Variants in MTBP observed in about 807,000 individuals in gnomAD.
MTBP encodes mdm2-binding protein.
MTBP carries 101 observed loss-of-function variants against 117.0 expected under a neutral mutation model. The observed-to-expected ratio is 0.86, with a 90% CI of 0.73 to 1.02. MTBP has a LOEUF of 1.02. Ranked by LOEUF, MTBP falls within the 50% of genes least tolerant of loss-of-function variation. MTBP has a pLI of 0.00. For synonymous variants in MTBP, 350 were observed against 351.5 expected, an observed-to-expected ratio of 1.00 and a Z score of 0.05; for missense variants, 970 against 1,030.9, an observed-to-expected ratio of 0.94 and a Z score of 0.81.
At chr8:120,474,376 C>G (rs542441609) in intron 11 of MTBP, among the ~76,000 whole-genome samples, 1 of 151,920 alleles carries the variant, frequency 6.6e-6, no homozygotes, top group South Asian at 2.1e-4. Context: ...ATTGATGGAA[C>G]TTTTTTTTGT....
At chr8:120,461,728 A>G (rs80073391) in intron 9 of MTBP, among the ~76,000 whole-genome samples, 2,364 of 152,108 alleles carry the variant, frequency 0.016, 58 homozygotes, top group African/African-American at 0.055. Context: ...TAACTTTACT[A>G]TTATTTTTTA....
chr8:120,453,877 T>C lies in MTBP; in HGVS notation c.456T>C (p.His152=). The part of the protein sequence containing the change: ...DLYEEAAENL[H]QLSDKLPAPG... ...ATGAAGAAGCTGCAGAAAATTTGCATCAGCTGTCAGACAAGCTTCCTGCTC... is the reference window on the plus strand; with the variant it reads ...ATGAAGAAGCTGCAGAAAATTTGCACCAGCTGTCAGACAAGCTTCCTGCTC... The change falls in exon 5 of 22, where the codon CAT becomes CAC. Residue 152 remains histidine, a synonymous_variant. Transcript: ENST00000305949. 6.3e-7 allele frequency: 1 copy of C among 1,585,142 alleles called. No homozygotes were observed. Among genetic ancestry groups the C allele is most frequent in the Non-Finnish European group, 8.6e-7 (1 of 1,163,250 alleles).
intron 10 of MTBP, among the ~76,000 whole-genome samples, chr8:120,467,353 G>A (rs4486250): frequency 0.55 from 84,219 of 152,030 alleles, 25,545 homozygotes; most frequent in Non-Finnish European, 0.67. Context: ...AGTGACTCAC[G>A]CCTGTAATCC....
At chr8:120,509,877 A>G (rs1814764466) in intron 16 of MTBP, 57 bp from the exon 17 acceptor site, 1 of 1,221,440 alleles carries the variant, frequency 8.2e-7, no homozygotes, top group African/African-American at 1.5e-5. Flanking sequence ...ACTTTCTTTA[A>G]CTTTCTTTTT....
chr8:120,475,165 C>G (rs565812592), intron 11 of MTBP, among the ~76,000 whole-genome samples: 14 of 151,964 alleles, frequency 9.2e-5, no homozygotes, highest in African/African-American at 2.9e-4. Flanking sequence ...CAGGTCTTTA[C>G]TCCAAAATCA....
chr8:120,460,414 T>C (rs1011170692), intron 8 of MTBP, among the ~76,000 whole-genome samples: 3 of 152,136 alleles, frequency 2.0e-5, no homozygotes, highest in Non-Finnish European at 4.4e-5. Flanking sequence ...ATTATAGATA[T>C]ATATACACTT....
chr8:120,511,974 T>G (rs1814819716), intron 17 of MTBP, among the ~76,000 whole-genome samples: 1 of 152,182 alleles, frequency 6.6e-6, no homozygotes, highest in Non-Finnish European at 1.5e-5. Flanking sequence ...CTATTTACTT[T>G]CATGTTTTTA....
rs1368513964 is a variant in MTBP, at chr8:120,510,158, G to A, written c.1979+129G>A. 4.4e-5 allele frequency: 24 copies of A among 546,306 alleles called. No homozygotes were observed. The East Asian group carries it at 6.7e-4, about 15-fold the overall frequency. 33.8% of individuals were successfully genotyped at this position (546,306 alleles called of 1,614,324 possible). A position where few individuals can be genotyped will look rare whatever the true frequency, so the allele number is the denominator to read the frequency against. The stretch of plus-strand genomic sequence containing the variant: ...GAGGATATGTCAAAAACCTCAAAAA[G>A]CAAAGTAGTGCATACAAAAATAATT... On this transcript the variant is annotated intron_variant, in intron 17 of 21. Coordinates refer to ENST00000305949, the MANE Select transcript of MTBP (RefSeq NM_022045.5).
At chr8:120,469,482 A>G (rs1019505510) in intron 10 of MTBP, among the ~76,000 whole-genome samples, 4 of 152,054 alleles carry the variant, frequency 2.6e-5, no homozygotes, top group South Asian at 2.1e-4. Context: ...TCAGCTTCCT[A>G]TGGCCGGCCG....
At chr8:120,496,120 T>A (rs1240431651) in intron 13 of MTBP, among the ~76,000 whole-genome samples, 1 of 152,182 alleles carries the variant, frequency 6.6e-6, no homozygotes, top group Non-Finnish European at 1.5e-5. Flanking sequence ...TGCCACTGAA[T>A]GGCTGTCAGA....
chr8:120,519,054 C>G (rs1378839152), intron 20 of MTBP, among the ~76,000 whole-genome samples: 2 of 151,734 alleles, frequency 1.3e-5, no homozygotes, highest in Non-Finnish European at 2.9e-5. Flanking sequence ...GTGCATTTGA[C>G]TTACAGGTAA....
In MTBP at chr8:120,509,943, T is replaced by C. The variant is rs1264344856; in HGVS notation, c.1893T>C (p.Thr631=). 6.2e-7 allele frequency: 1 copy of C among 1,609,020 alleles called. No homozygotes were observed. The highest frequency in any genetic ancestry group is 1.3e-5 in the African/African-American group (1 of 74,654). Residue 631 remains threonine, a synonymous_variant, in exon 17 of 22, where the codon ACT becomes ACC. Transcript: ENST00000305949. ...AAATTTTTTGTTTCAGGGAAAAGAC[T>C]TTTGTTTTGACACCAGAACTTAGTC... The part of the protein sequence containing the change: ...QPLPIQKGEK[T]FVLTPELSPG...
intron 20 of MTBP, among the ~76,000 whole-genome samples, chr8:120,519,213 C>T (rs1814973524): frequency 6.7e-6 from 1 of 148,302 alleles, no homozygotes; most frequent in Non-Finnish European, 1.5e-5. Flanking sequence ...TGCATCTGTA[C>T]TGAACATGTA....
At chr8:120,491,128 A>AT (rs886880390) in intron 13 of MTBP, among the ~76,000 whole-genome samples, 16 of 152,056 alleles carry the variant, frequency 1.1e-4, no homozygotes, top group African/African-American at 3.9e-4. Flanking sequence ...TATCAGTCTT[A>AT]TTTTTTAATA....
intron 12 of MTBP, among the ~76,000 whole-genome samples, chr8:120,489,736 C>A (rs1814303429): frequency 6.6e-6 from 1 of 152,132 alleles, no homozygotes; most frequent in African/African-American, 2.4e-5. Context: ...TGAGCCAGGC[C>A]CCCAAGGCTC....
chr8:120,486,079 A>G (rs758512293), intron 11 of MTBP, among the ~76,000 whole-genome samples: 1 of 152,048 alleles, frequency 6.6e-6, no homozygotes, highest in Non-Finnish European at 1.5e-5. Flanking sequence ...AATTTGATTC[A>G]TTTTTGTGGC....
At chr8:120,467,935 C>T (rs906517262) in intron 10 of MTBP, among the ~76,000 whole-genome samples, 4 of 152,134 alleles carry the variant, frequency 2.6e-5, no homozygotes, top group African/African-American at 9.7e-5. Context: ...ATAAGTAATG[C>T]ATTGAACTGC....
chr8:120,517,065 T>C (rs903306823), intron 18 of MTBP, among the ~76,000 whole-genome samples: 12 of 152,118 alleles, frequency 7.9e-5, no homozygotes, highest in African/African-American at 2.6e-4. Flanking sequence ...AATAAAAATA[T>C]ATGTGTTCCT....
At chr8:120,480,001 A>C (rs1814039642) in intron 11 of MTBP, among the ~76,000 whole-genome samples, 1 of 152,138 alleles carries the variant, frequency 6.6e-6, no homozygotes, top group African/African-American at 2.4e-5. Flanking sequence ...TGTCTACCAA[A>C]AGAAGTAAAA....
Sources: gnomAD v4.1 joint callset for allele counts (sites outside exome capture counted in the v4.1 genomes callset) on GRCh38, gnomAD v4.1.1 for gene constraint, MANE v1.5 for transcripts, NCBI Gene and HGNC (gene_info 2026-07-23, HGNC 2026-07-21) for gene names.